Variants in NPAS3 observed in about 807,000 individuals in gnomAD.
NPAS3 encodes neuronal PAS domain-containing protein 3.
Under a neutral mutation model 73.1 loss-of-function variants are expected in NPAS3, and 14 were observed. The observed-to-expected ratio is 0.19, with a 90% CI of 0.13 to 0.30. The LOEUF (loss-of-function observed/expected upper bound fraction) is 0.30, where lower values mean the gene tolerates loss of function less well. Ranked by LOEUF, NPAS3 falls within the 10% of genes least tolerant of loss-of-function variation. The pLI is 1.00. For missense variants in NPAS3, 1,096 were observed against 1,250.0 expected (o/e 0.88, Z 1.86); for synonymous variants, 620 against 541.5 (o/e 1.14, Z -2.01).
chr14:33,124,421 ACT>A (rs2043352038), intron 2 of NPAS3, among the ~76,000 whole-genome samples: 4 of 151,834 alleles, frequency 2.6e-5, no homozygotes. Context: ...TTACACCATC[ACT>A]CTGTGTCTTT....
intron 4 of NPAS3, among the ~76,000 whole-genome samples, chr14:33,460,969 TC>T (rs1416361435): frequency 2.6e-5 from 4 of 152,168 alleles, no homozygotes; most frequent in African/African-American, 9.7e-5. Flanking sequence ...ATTACATCAT[TC>T]CCTGTTTCTT....
At chr14:33,748,682 T>A (rs2061874202) in intron 7 of NPAS3, among the ~76,000 whole-genome samples, 1 of 152,214 alleles carries the variant, frequency 6.6e-6, no homozygotes, top group African/African-American at 2.4e-5. Context: ...AGCCTGATTA[T>A]CTGGGCCTCT....
At chr14:33,067,995 T>C (rs1318097156) in intron 2 of NPAS3, among the ~76,000 whole-genome samples, 1 of 152,220 alleles carries the variant, frequency 6.6e-6, no homozygotes, top group African/African-American at 2.4e-5. Flanking sequence ...CAAGCTATTA[T>C]TTCAGCCTAG....
At chr14:33,082,892 T>C (rs1239318169) in intron 2 of NPAS3, among the ~76,000 whole-genome samples, 1 of 152,100 alleles carries the variant, frequency 6.6e-6, no homozygotes, top group Non-Finnish European at 1.5e-5. Context: ...CAAAAGTGAC[T>C]TTGGGCCAGG....
intron 1 of NPAS3, among the ~76,000 whole-genome samples, chr14:32,946,282 T>C (rs991082075): frequency 3.3e-5 from 5 of 151,326 alleles, no homozygotes; most frequent in African/African-American, 1.2e-4. Context: ...CATGTTAAAA[T>C]GGGCCACAAT....
intron 9 of NPAS3, among the ~76,000 whole-genome samples, chr14:33,781,175 C>G (rs1234620672): frequency 6.6e-6 from 1 of 152,178 alleles, no homozygotes; most frequent in Non-Finnish European, 1.5e-5. Context: ...TGATCCTAAT[C>G]AGATTGAAAT....
At chr14:33,353,859 G>A (rs1029853565) in intron 3 of NPAS3, among the ~76,000 whole-genome samples, 3 of 152,120 alleles carry the variant, frequency 2.0e-5, no homozygotes, top group Non-Finnish European at 4.4e-5. Flanking sequence ...CTTGGGTTTA[G>A]ATATATTCAG....
At chr14:33,180,799 CAAGAAAAAAAAAA>C (rs2045768976) in intron 2 of NPAS3, among the ~76,000 whole-genome samples, 2 of 69,346 alleles carry the variant, frequency 2.9e-5, no homozygotes, top group Non-Finnish European at 5.1e-5. Context: ...ACACTGTCTC[CAAGAAAAAAAAAA>C]AAAAAAAAAA....
chr14:32,989,752 T>C lies in NPAS3; in HGVS notation c.50+50386T>C, dbSNP rs554510956. On this transcript the variant is annotated intron_variant, in intron 1 of 11. Transcript: ENST00000356141. ...TACTTCCTATCACAATACCTGTGAA[T>C]TGAATTAAGCTGAAACAAATACAAA... Among the ~76,000 whole-genome samples the C allele has an allele frequency of 1.3e-3, 198 of 152,362 alleles. 4 individuals are homozygous for C. Among genetic ancestry groups the C allele is most frequent in the Non-Finnish European group, 2.1e-3 (143 of 68,036 alleles).
chr14:33,684,615 G>A (rs2060036343), intron 6 of NPAS3, among the ~76,000 whole-genome samples: 1 of 152,128 alleles, frequency 6.6e-6, no homozygotes, highest in African/African-American at 2.4e-5. Context: ...TCTCATTCTT[G>A]CATTTAAACT....
intron 6 of NPAS3, among the ~76,000 whole-genome samples, chr14:33,730,542 C>T (rs1198249470): frequency 6.6e-6 from 1 of 152,194 alleles, no homozygotes; most frequent in Non-Finnish European, 1.5e-5. Flanking sequence ...AAAGAGAAAG[C>T]AGCACATCAT....
At chr14:33,207,651 A>G (rs1313571511) in intron 2 of NPAS3, among the ~76,000 whole-genome samples, 1 of 152,186 alleles carries the variant, frequency 6.6e-6, no homozygotes, top group Non-Finnish European at 1.5e-5. Flanking sequence ...TTTTCCACAA[A>G]CATCCATTGT....
At chr14:33,031,638 G>GT (rs2039997435) in intron 1 of NPAS3, among the ~76,000 whole-genome samples, 1 of 152,134 alleles carries the variant, frequency 6.6e-6, no homozygotes, top group Non-Finnish European at 1.5e-5. Context: ...GACCACACGT[G>GT]TGCACCACAC....
At chr14:33,560,009 C>CAAAA in intron 4 of NPAS3, 112 bp from the exon 5 acceptor site, 41 of 392,278 alleles carry the variant, frequency 1.0e-4, no homozygotes, top group East Asian at 2.1e-4. Flanking sequence ...GACTCTGTCT[C>CAAAA]AAAAAAAAAA....
At chr14:33,539,603 C>T (rs996374206) in intron 4 of NPAS3, among the ~76,000 whole-genome samples, 1 of 152,076 alleles carries the variant, frequency 6.6e-6, no homozygotes, top group Admixed American at 6.6e-5. Flanking sequence ...AAAAGACTCT[C>T]CATTTACTTT....
intron 1 of NPAS3, among the ~76,000 whole-genome samples, chr14:32,958,446 A>G (rs557897316): frequency 2.0e-5 from 3 of 152,264 alleles, no homozygotes; most frequent in South Asian, 2.1e-4. Context: ...AGATACTCTG[A>G]TCCCTGGACT....
chr14:33,689,096 G>T (rs147771013), intron 6 of NPAS3, among the ~76,000 whole-genome samples: 2 of 152,194 alleles, frequency 1.3e-5, no homozygotes, highest in African/African-American at 4.8e-5. Context: ...GTACAAATAC[G>T]TAGTACGTAG....
intron 2 of NPAS3, among the ~76,000 whole-genome samples, chr14:33,205,036 T>G (rs1483395851): frequency 6.6e-6 from 1 of 152,194 alleles, no homozygotes; most frequent in Non-Finnish European, 1.5e-5. Flanking sequence ...TTAAAAAGTT[T>G]ACTGAAGAGA....
intron 4 of NPAS3, among the ~76,000 whole-genome samples, chr14:33,409,612 T>G (rs1455516879): frequency 6.6e-6 from 1 of 152,184 alleles, no homozygotes; most frequent in Non-Finnish European, 1.5e-5. Context: ...GTGGGATTTA[T>G]TCAATTTACT....
Sources: gnomAD v4.1 joint callset for allele counts (sites outside exome capture counted in the v4.1 genomes callset) on GRCh38, gnomAD v4.1.1 for gene constraint, MANE v1.5 for transcripts, NCBI Gene and HGNC (gene_info 2026-07-23, HGNC 2026-07-21) for gene names.